Variants in TEX11 observed in about 807,000 individuals in gnomAD.
The protein encoded by TEX11 is testis expressed 11.
TEX11 carries 7 observed loss-of-function variants against 84.4 expected under a neutral mutation model. That is an observed-to-expected ratio of 0.08 (90% CI 0.05 to 0.16). The LOEUF (loss-of-function observed/expected upper bound fraction) is 0.16, where lower values mean the gene tolerates loss of function less well. Ranked by LOEUF, TEX11 falls within the 10% of genes least tolerant of loss-of-function variation. The probability of loss-of-function intolerance (pLI) is 1.00; values close to 1 mark genes in which losing one functional copy is unlikely to be tolerated. For missense variants in TEX11, 551 were observed against 660.5 expected, an observed-to-expected ratio of 0.83 and a Z score of 1.82; for synonymous variants, 264 against 222.8, an observed-to-expected ratio of 1.18 and a Z score of -1.64.
chrX:70,635,638 G>A (rs1402999182), intron 17 of TEX11, among the ~76,000 whole-genome samples: 1 of 112,026 alleles, frequency 8.9e-6, no homozygotes, highest in Non-Finnish European at 1.9e-5. Context: ...TGGATCCCCC[G>A]TAGCCCCAGG....
chrX:70,836,109 C>CA (rs35496948), intron 7 of TEX11, among the ~76,000 whole-genome samples: 30,216 of 73,784 alleles, frequency 0.41, 6,119 homozygotes, highest in Non-Finnish European at 0.53. Context: ...GACTCTGTCT[C>CA]AAAAAAAAAA....
At chrX:70,710,094 G>A (rs1279310724) in intron 13 of TEX11, among the ~76,000 whole-genome samples, 1 of 110,064 alleles carries the variant, frequency 9.1e-6, no homozygotes, top group Non-Finnish European at 1.9e-5. Flanking sequence ...GGAATAAACA[G>A]TAACTGATTA....
At chrX:70,591,959 T>C in intron 24 of TEX11, 136 bp from the exon 25 acceptor site, 2 of 431,200 alleles carry the variant, frequency 4.6e-6, no homozygotes, top group Non-Finnish European at 7.8e-6. Flanking sequence ...AAACTGAACA[T>C]TTTGGAGTTT....
intron 7 of TEX11, among the ~76,000 whole-genome samples, chrX:70,840,925 A>G (rs1392836835): frequency 3.6e-5 from 4 of 110,685 alleles, no homozygotes; most frequent in Admixed American, 2.9e-4. Context: ...AACAAGAAGA[A>G]CTAACTATCC....
At chrX:70,645,008 G>T (rs181321739) in intron 17 of TEX11, among the ~76,000 whole-genome samples, 1 of 110,054 alleles carries the variant, frequency 9.1e-6, no homozygotes, top group Admixed American at 9.7e-5. Context: ...AAAATCATGC[G>T]ACTACTATGA....
chrX:70,759,800 A>G (rs145206472), intron 9 of TEX11, among the ~76,000 whole-genome samples: 10,024 of 111,294 alleles, frequency 0.09, 639 homozygotes, highest in Admixed American at 0.28. Context: ...AGAGTATTCA[A>G]TTAGGAAAAG....
At chrX:70,626,519 C>T (rs12687862) in intron 18 of TEX11, among the ~76,000 whole-genome samples, 7 of 111,101 alleles carry the variant, frequency 6.3e-5, no homozygotes, top group Admixed American at 3.8e-4. Context: ...CAGTTTTTCA[C>T]TGTCCCTCAT....
At chrX:70,847,680 C>T (rs983854240) in intron 7 of TEX11, among the ~76,000 whole-genome samples, 2 of 111,459 alleles carry the variant, frequency 1.8e-5, no homozygotes, top group African/African-American at 6.5e-5. Context: ...AAGCTGAGAC[C>T]ACAGGCATGT....
intron 16 of TEX11, among the ~76,000 whole-genome samples, chrX:70,668,024 G>A (rs1013257227): frequency 3.6e-5 from 4 of 111,986 alleles, no homozygotes; most frequent in African/African-American, 9.7e-5. Flanking sequence ...CTTCTTTCTC[G>A]TAGGTAAGAG....
intron 20 of TEX11, among the ~76,000 whole-genome samples, chrX:70,615,876 G>A (rs1321890613): frequency 3.7e-5 from 4 of 108,923 alleles, no homozygotes; most frequent in Non-Finnish European, 7.5e-5. Flanking sequence ...ATGGCATGAC[G>A]TATTCAAAGT....
intron 9 of TEX11, among the ~76,000 whole-genome samples, chrX:70,747,049 T>C (rs537458257): frequency 2.7e-5 from 3 of 111,775 alleles, no homozygotes; most frequent in African/African-American, 9.7e-5. Context: ...GAACCCAGCT[T>C]AAAAATCAAA....
intron 16 of TEX11, among the ~76,000 whole-genome samples, chrX:70,666,627 T>C (rs1231311525): frequency 9.0e-6 from 1 of 111,548 alleles, no homozygotes; most frequent in Non-Finnish European, 1.9e-5. Flanking sequence ...TGCAGAATCA[T>C]GAGCTTAAAT....
At chrX:70,812,973 A>G (rs778607091) in intron 8 of TEX11, among the ~76,000 whole-genome samples, 35 of 111,463 alleles carry the variant, frequency 3.1e-4, no homozygotes, top group African/African-American at 1.1e-3. Context: ...CCAACCAAAA[A>G]AAGTCCAGGA....
intron 13 of TEX11, among the ~76,000 whole-genome samples, chrX:70,686,581 T>C (rs1049432588): frequency 8.0e-4 from 88 of 109,888 alleles, no homozygotes; most frequent in African/African-American, 2.8e-3. Flanking sequence ...AAATAGCTAA[T>C]GCATGTGGGG....
At chrX:70,713,373 C>G (rs1038854904) in intron 13 of TEX11, among the ~76,000 whole-genome samples, 3 of 111,902 alleles carry the variant, frequency 2.7e-5, no homozygotes, top group Admixed American at 9.5e-5. Flanking sequence ...ATGGTACCAG[C>G]TCCTCCTTGT....
At chrX:70,641,524 C>T (rs1221454237) in intron 17 of TEX11, among the ~76,000 whole-genome samples, 1 of 111,171 alleles carries the variant, frequency 9.0e-6, no homozygotes, top group Non-Finnish European at 1.9e-5. Context: ...GGAAGTAAAG[C>T]TCTCCTCAGC....
At chrX:70,803,158 A>T (rs1286838882) in intron 9 of TEX11, among the ~76,000 whole-genome samples, 1 of 111,799 alleles carries the variant, frequency 8.9e-6, no homozygotes, top group Admixed American at 9.6e-5. Flanking sequence ...AAACAAAAAA[A>T]CTCTTAAATA....
chrX:70,671,275 G>A (rs1415255851), intron 15 of TEX11, among the ~76,000 whole-genome samples: 3 of 111,075 alleles, frequency 2.7e-5, no homozygotes, highest in Non-Finnish European at 5.7e-5. Context: ...TATAAACCAA[G>A]GTAAGGTAAA....
At chrX:70,832,570 A>G (rs1295316912) in intron 8 of TEX11, among the ~76,000 whole-genome samples, 3 of 112,076 alleles carry the variant, frequency 2.7e-5, no homozygotes, top group Non-Finnish European at 5.6e-5. Flanking sequence ...AAATAAGACC[A>G]ATCTCACAAA....
Sources: gnomAD v4.1 joint callset for allele counts (sites outside exome capture counted in the v4.1 genomes callset) on GRCh38, gnomAD v4.1.1 for gene constraint, MANE v1.5 for transcripts, NCBI Gene and HGNC (gene_info 2026-07-23, HGNC 2026-07-21) for gene names.